Variants in ADAM12 observed in about 807,000 individuals in gnomAD.
ADAM12 encodes the protein ADAM metallopeptidase domain 12, also known as disintegrin and metalloproteinase domain-containing protein 12.
ADAM12 carries 70 observed loss-of-function variants against 106.4 expected under a neutral mutation model. The observed-to-expected ratio is 0.66, with a 90% CI of 0.54 to 0.80. ADAM12 has a LOEUF of 0.80. ADAM12 is among the 30% of genes least tolerant of loss of function. The probability of loss-of-function intolerance (pLI) is 0.00; values close to 1 mark genes in which losing one functional copy is unlikely to be tolerated. For synonymous variants in ADAM12, 420 were observed against 433.5 expected (o/e 0.97, Z 0.39); for missense variants, 1,010 against 1,171.9 (o/e 0.86, Z 2.02).
At chr10:126,225,593 A>G (rs941888730) in intron 3 of ADAM12, among the ~76,000 whole-genome samples, 2 of 152,182 alleles carry the variant, frequency 1.3e-5, no homozygotes, top group Non-Finnish European at 2.9e-5. Flanking sequence ...GTGGGAGTGG[A>G]AAGTGAGCAT....
At chr10:126,147,095 T>A (rs1956642231) in intron 4 of ADAM12, among the ~76,000 whole-genome samples, 1 of 152,224 alleles carries the variant, frequency 6.6e-6, no homozygotes, top group African/African-American at 2.4e-5. Flanking sequence ...AAATATTAGA[T>A]TCTATCCTTA....
rs564727060 is a variant in ADAM12 at position 126,057,877 on chromosome 10, A to G, written c.1609+6929T>C. The stretch of plus-strand genomic sequence containing the variant: ...TATCCCTTCTTCTAGGAACGAGAAC[A>G]TTTTCCCCATGGGAAATCCATTTTT... On this transcript the variant is annotated intron_variant, in intron 14 of 22. Coordinates refer to ENST00000448723, the MANE Select transcript of ADAM12 (RefSeq NM_001288973.2). 5.3e-5 allele frequency among the ~76,000 whole-genome samples: 8 copies of G among 152,312 alleles called. No individual in the cohort carries two copies. The South Asian group carries it at 1.2e-3, about 24-fold the overall frequency.
intron 2 of ADAM12, among the ~76,000 whole-genome samples, chr10:126,325,613 G>A (rs924946564): frequency 2.0e-5 from 3 of 152,104 alleles, no homozygotes; most frequent in African/African-American, 7.2e-5. Context: ...TACTCTTTCT[G>A]TAACTTCATT....
chr10:126,284,042 A>G (rs919406030), intron 2 of ADAM12, among the ~76,000 whole-genome samples: 5 of 152,192 alleles, frequency 3.3e-5, no homozygotes, highest in African/African-American at 9.6e-5. Context: ...TTAAAAGTCT[A>G]TCCTTCCTGG....
At chr10:126,220,109 C>T (rs1958061970) in intron 3 of ADAM12, among the ~76,000 whole-genome samples, 1 of 152,192 alleles carries the variant, frequency 6.6e-6, no homozygotes. Context: ...TGACACATGC[C>T]CACAGGGCCA....
chr10:126,029,640 C>T (rs1311997020), intron 21 of ADAM12, among the ~76,000 whole-genome samples: 1 of 152,166 alleles, frequency 6.6e-6, no homozygotes, highest in Non-Finnish European at 1.5e-5. Flanking sequence ...ATCTGTGCTG[C>T]AAACCACTGT....
chr10:126,210,244 C>A (rs1173872479), intron 3 of ADAM12, among the ~76,000 whole-genome samples: 1 of 152,222 alleles, frequency 6.6e-6, no homozygotes, highest in Admixed American at 6.5e-5. Context: ...CTAGCAGCAG[C>A]TCCTGTTGAC....
chr10:126,057,671 G>A (rs1233434021), intron 14 of ADAM12, among the ~76,000 whole-genome samples: 1 of 152,178 alleles, frequency 6.6e-6, no homozygotes, highest in Admixed American at 6.5e-5. Context: ...CCAGCTAGTG[G>A]TCGCCAGAGT....
chr10:126,364,589 A>T (rs1855849137), intron 1 of ADAM12, among the ~76,000 whole-genome samples: 1 of 152,188 alleles, frequency 6.6e-6, no homozygotes, highest in Admixed American at 6.5e-5. Flanking sequence ...AATAACACCT[A>T]AAAAGTGCTT....
intron 2 of ADAM12, among the ~76,000 whole-genome samples, chr10:126,327,811 G>T (rs1854357020): frequency 6.6e-6 from 1 of 152,164 alleles, no homozygotes. Context: ...CACAGTTTAT[G>T]TCGCTATCTC....
At chr10:126,207,415 A>G (rs1957817810) in intron 3 of ADAM12, among the ~76,000 whole-genome samples, 1 of 152,230 alleles carries the variant, frequency 6.6e-6, no homozygotes, top group Non-Finnish European at 1.5e-5. Context: ...TACGCAAGCT[A>G]TTATAATTAA....
At chr10:126,304,249 T>C (rs1648190364) in intron 2 of ADAM12, among the ~76,000 whole-genome samples, 1 of 136,674 alleles carries the variant, frequency 7.3e-6, no homozygotes, top group African/African-American at 2.8e-5. Context: ...AAAACTAGAA[T>C]ACTGATTTTT....
chr10:126,386,804 T>G (rs1856677750), intron 1 of ADAM12, among the ~76,000 whole-genome samples: 1 of 152,246 alleles, frequency 6.6e-6, no homozygotes, highest in Admixed American at 6.5e-5. Flanking sequence ...TAATAAACAT[T>G]CAAAAGGACC....
At position 126,222,465 on chromosome 10, in the gene ADAM12, G is replaced by A. The variant is rs192383737; in HGVS notation, c.260+56450C>T. Among the ~76,000 whole-genome samples, 1,260 of 150,968 alleles carry A rather than the reference G, an allele frequency of 8.3e-3. 12 individuals are homozygous for A. The highest frequency in any genetic ancestry group is 0.013 in the Non-Finnish European group (914 of 67,792). ...CACGGGGTGGTTGGAGGAAGAGCCC[G>A]GCACAGTCTCTGACTCCCAGTGAGT... On this transcript the variant is annotated intron_variant, in intron 3 of 22. Coordinates refer to ENST00000448723, the MANE Select transcript of ADAM12 (RefSeq NM_001288973.2).
At chr10:126,338,657 C>T (rs906640276) in intron 1 of ADAM12, among the ~76,000 whole-genome samples, 3 of 152,112 alleles carry the variant, frequency 2.0e-5, no homozygotes, top group African/African-American at 7.2e-5. Flanking sequence ...TCAAAGTTGC[C>T]TAATAATATA....
chr10:126,319,605 C>T (rs1854025471), intron 2 of ADAM12, among the ~76,000 whole-genome samples: 1 of 152,136 alleles, frequency 6.6e-6, no homozygotes, highest in African/African-American at 2.4e-5. Flanking sequence ...CCTTCAGAGA[C>T]ACGACACTGA....
At chr10:126,075,094 G>C (rs532399836) in intron 11 of ADAM12, among the ~76,000 whole-genome samples, 4 of 152,100 alleles carry the variant, frequency 2.6e-5, no homozygotes, top group African/African-American at 9.7e-5. Context: ...CCTCGGACTG[G>C]GTCAGCCAAT....
chr10:126,293,973 C>T (rs1371755896), intron 2 of ADAM12, among the ~76,000 whole-genome samples: 1 of 152,226 alleles, frequency 6.6e-6, no homozygotes, highest in African/African-American at 2.4e-5. Flanking sequence ...CAAACACTGT[C>T]TACCCACTGG....
At chr10:126,334,118 C>T (rs555737054) in intron 1 of ADAM12, among the ~76,000 whole-genome samples, 3 of 151,908 alleles carry the variant, frequency 2.0e-5, no homozygotes, top group South Asian at 4.1e-4. Context: ...TTTCACTGCA[C>T]GGATAGACAG....
Sources: allele counts gnomAD v4.1 joint callset (sites outside exome capture counted in the v4.1 genomes callset), GRCh38; gene constraint gnomAD v4.1.1; transcripts MANE v1.5; gene names NCBI Gene and HGNC (gene_info 2026-07-23, HGNC 2026-07-21).